Variants in CADM2 observed in about 807,000 individuals in gnomAD.
The protein encoded by CADM2 is cell adhesion molecule 2.
In CADM2, 12 loss-of-function variants were observed where a neutral mutation model predicts 49.8. The ratio of observed to expected loss-of-function variants is 0.24; its 90% CI spans 0.15 to 0.39. The LOEUF is 0.39. CADM2 is among the 10% of genes least tolerant of loss of function. CADM2 has a pLI of 1.00. For synonymous variants in CADM2, 214 were observed against 175.4 expected, an observed-to-expected ratio of 1.22 and a Z score of -1.74; for missense variants, 378 against 492.3, an observed-to-expected ratio of 0.77 and a Z score of 2.20.
chr3:85,048,628 T>C (rs1432894239), intron 1 of CADM2, among the ~76,000 whole-genome samples: 1 of 152,138 alleles, frequency 6.6e-6, no homozygotes, highest in East Asian at 1.9e-4. Flanking sequence ...TCAAAAATTA[T>C]CAAGATATAC....
rs1388665293 is a variant in CADM2 at position 85,765,260 on chromosome 3, T to C, written c.89-36787T>C. 2.0e-5 allele frequency among the ~76,000 whole-genome samples: 3 copies of C among 152,114 alleles called. No homozygotes were observed. The East Asian group carries it at 5.8e-4, about 29-fold the overall frequency. On this transcript the variant is annotated intron_variant, in intron 2 of 9. Coordinates refer to ENST00000383699, the MANE Select transcript of CADM2 (RefSeq NM_001167675.2). ...GAAGCCCTTTGCTTCTTTTGAAAATTATCAACCTGGATGCTTCTAAGATTT... is the reference window on the plus strand; with the variant it reads ...GAAGCCCTTTGCTTCTTTTGAAAATCATCAACCTGGATGCTTCTAAGATTT...
intron 1 of CADM2, among the ~76,000 whole-genome samples, chr3:85,550,609 G>T (rs1576781175): frequency 6.6e-6 from 1 of 152,108 alleles, no homozygotes; most frequent in Admixed American, 6.5e-5. Flanking sequence ...ACAAATTAAA[G>T]AAATTTATTC....
At chr3:85,887,757 A>G (rs1713864561) in intron 5 of CADM2, among the ~76,000 whole-genome samples, 1 of 152,162 alleles carries the variant, frequency 6.6e-6, no homozygotes, top group South Asian at 2.1e-4. Flanking sequence ...AGTAACATCC[A>G]TTCTAATTCT....
chr3:85,666,765 A>C (rs1322551354), intron 1 of CADM2, among the ~76,000 whole-genome samples: 2 of 151,800 alleles, frequency 1.3e-5, no homozygotes, highest in Non-Finnish European at 2.9e-5. Context: ...AGGGAAGGAG[A>C]ACATCAGAGA....
chr3:85,760,892 A>G (rs1176406604), intron 2 of CADM2, among the ~76,000 whole-genome samples: 2 of 152,226 alleles, frequency 1.3e-5, no homozygotes, highest in African/African-American at 4.8e-5. Context: ...CAAAGAACAA[A>G]ATGGTAGAAA....
At chr3:85,773,128 A>G (rs2070183341) in intron 2 of CADM2, among the ~76,000 whole-genome samples, 1 of 151,974 alleles carries the variant, frequency 6.6e-6, no homozygotes, top group Admixed American at 6.6e-5. Flanking sequence ...ACAGGCTGAC[A>G]AACAAGAGCC....
At chr3:85,550,114 G>C (rs2061765292) in intron 1 of CADM2, among the ~76,000 whole-genome samples, 1 of 152,160 alleles carries the variant, frequency 6.6e-6, no homozygotes, top group African/African-American at 2.4e-5. Context: ...TGAGTGAGTA[G>C]TCCAAGGTCA....
rs192108431 is a variant in CADM2, at chr3:85,796,228, A to G, written c.89-5819A>G. On this transcript the variant is annotated intron_variant, in intron 2 of 9. Transcript: ENST00000383699. ...ATTGCTCAATTTATGCATTATATCA[A>G]TATCAGGGACCCAAGAAAAGTGTTT... is the stretch of plus-strand genomic sequence containing the variant. Among the ~76,000 whole-genome samples the G allele has an allele frequency of 8.9e-4, 136 of 152,298 alleles. 1 individual carries two copies. The highest frequency in any genetic ancestry group is 3.1e-3 in the African/African-American group (129 of 41,568).
At chr3:85,448,257 CG>C (rs1245818907) in intron 1 of CADM2, among the ~76,000 whole-genome samples, 1 of 149,154 alleles carries the variant, frequency 6.7e-6, no homozygotes, top group Non-Finnish European at 1.5e-5. Flanking sequence ...GGCGAGAACC[CG>C]GAAGGCGGAG....
At chr3:85,256,798 A>C (rs2042895507) in intron 1 of CADM2, among the ~76,000 whole-genome samples, 1 of 152,074 alleles carries the variant, frequency 6.6e-6, no homozygotes, top group Non-Finnish European at 1.5e-5. Context: ...CTGATATTGA[A>C]CTATTTTACC....
intron 1 of CADM2, among the ~76,000 whole-genome samples, chr3:85,288,784 G>GCGC (rs1188958298): frequency 1.1e-5 from 1 of 88,258 alleles, no homozygotes; most frequent in Non-Finnish European, 2.6e-5. Context: ...TTACCAATAT[G>GCGC]CCCCCCCCCC....
At chr3:85,701,899 AGATAGATAGAT>A (rs1366006113) in intron 1 of CADM2, among the ~76,000 whole-genome samples, 1 of 151,374 alleles carries the variant, frequency 6.6e-6, no homozygotes. Flanking sequence ...ATAGATAGAT[AGATAGATAGAT>A]ATAAAGAAAA....
At chr3:85,029,126 C>T (rs1467545329) in intron 1 of CADM2, among the ~76,000 whole-genome samples, 1 of 151,422 alleles carries the variant, frequency 6.6e-6, no homozygotes, top group Admixed American at 6.6e-5. Context: ...AATTTTATTT[C>T]TATTTGAAGA....
intron 2 of CADM2, among the ~76,000 whole-genome samples, chr3:85,798,417 C>A (rs983498178): frequency 1.3e-5 from 2 of 152,104 alleles, no homozygotes; most frequent in African/African-American, 4.8e-5. Context: ...ATGTTTAAAT[C>A]TTTAATCCAT....
In CADM2 at chr3:85,199,286, A is replaced by G. The variant is rs375290055; in HGVS notation, c.61+239618A>G. Among the ~76,000 whole-genome samples, 309 of 150,954 alleles carry G rather than the reference A, an allele frequency of 2.0e-3. 1 individual carries two copies. Among genetic ancestry groups the G allele is most frequent in the African/African-American group, 7.1e-3 (292 of 41,244 alleles). ...ATGAATTTCTCACAATGGATTATCA[A>G]TGTGGGATGGAGAAGGAGCAGAGAA... is the stretch of plus-strand genomic sequence containing the variant. On this transcript the variant is annotated intron_variant, in intron 1 of 9. Coordinates refer to ENST00000383699, the MANE Select transcript of CADM2 (RefSeq NM_001167675.2).
At chr3:85,986,294 T>G (rs1010028526) in intron 8 of CADM2, among the ~76,000 whole-genome samples, 17 of 151,834 alleles carry the variant, frequency 1.1e-4, no homozygotes, top group African/African-American at 4.1e-4. Flanking sequence ...GGGAAAAAAA[T>G]GAATGGAATA....
chr3:85,520,763 G>C (rs11917238), intron 1 of CADM2, among the ~76,000 whole-genome samples: 6,471 of 151,998 alleles, frequency 0.043, 456 homozygotes, highest in African/African-American at 0.15. Flanking sequence ...AAGTGAACCT[G>C]GGCAAATTTG....
chr3:85,208,108 G>C (rs926601679), intron 1 of CADM2, among the ~76,000 whole-genome samples: 2 of 152,120 alleles, frequency 1.3e-5, no homozygotes, highest in Non-Finnish European at 2.9e-5. Context: ...CTAAATGTTA[G>C]CATCTCAGAA....
intron 1 of CADM2, among the ~76,000 whole-genome samples, chr3:85,566,116 A>G (rs1212504384): frequency 6.6e-6 from 1 of 151,994 alleles, no homozygotes; most frequent in African/African-American, 2.4e-5. Context: ...AAATACTGCT[A>G]ATACAAATAT....
Sources: gnomAD v4.1 joint callset for allele counts (sites outside exome capture counted in the v4.1 genomes callset) on GRCh38, gnomAD v4.1.1 for gene constraint, MANE v1.5 for transcripts, NCBI Gene and HGNC (gene_info 2026-07-23, HGNC 2026-07-21) for gene names.